SSH2: variants seen among roughly 807,000 people sequenced by gnomAD.
SSH2 encodes the protein slingshot protein phosphatase 2, also known as protein phosphatase Slingshot homolog 2.
Under a neutral mutation model 135.2 loss-of-function variants are expected in SSH2, and 37 were observed. The observed-to-expected ratio is 0.27, with a 90% confidence interval of 0.21 to 0.36. The LOEUF is 0.36. Ranked by LOEUF, SSH2 falls within the 10% of genes least tolerant of loss-of-function variation. The pLI, the probability that SSH2 is intolerant of heterozygous loss-of-function variation, is 1.00. For synonymous variants in SSH2, 628 were observed against 646.2 expected, an observed-to-expected ratio of 0.97 and a Z score of 0.43; for missense variants, 1,408 against 1,765.3, an observed-to-expected ratio of 0.80 and a Z score of 3.63.
chr17:29,779,712 G>C (rs1049861043), intron 3 of SSH2, among the ~76,000 whole-genome samples: 36 of 150,032 alleles, frequency 2.4e-4, no homozygotes, highest in African/African-American at 5.6e-4. Context: ...CAGCTACTTG[G>C]GGGGCTGAGG....
At chr17:29,838,666 T>A (rs558478575) in intron 2 of SSH2, among the ~76,000 whole-genome samples, 132 of 152,116 alleles carry the variant, frequency 8.7e-4, no homozygotes, top group Middle Eastern at 3.4e-3. Context: ...TGAACACTCA[T>A]CGGGATGACC....
intron 1 of SSH2, among the ~76,000 whole-genome samples, chr17:29,924,367 T>C (rs2067027476): frequency 1.3e-5 from 2 of 152,218 alleles, no homozygotes; most frequent in Non-Finnish European, 2.9e-5. Flanking sequence ...TATATGTAAA[T>C]TGATTTACCC....
rs563263698 is a variant in SSH2 at position 29,826,420 on chromosome 17, A to C, written c.144+22429T>G. Among the ~76,000 whole-genome samples the C allele has an allele frequency of 9.8e-4, 150 of 152,336 alleles. 1 individual carries two copies. Among genetic ancestry groups the C allele is most frequent in the Admixed American group, 4.2e-3 (64 of 15,302 alleles). ...AGAACCAAAAATATTGACAAATGCAAACGATGACTACAATCATAGATAAGG... is the reference window on the plus strand; with the variant it reads ...AGAACCAAAAATATTGACAAATGCACACGATGACTACAATCATAGATAAGG... On this transcript the variant is annotated intron_variant, in intron 2 of 15. Coordinates refer to ENST00000540801, the MANE Select transcript of SSH2 (RefSeq NM_001282129.2).
intron 3 of SSH2, among the ~76,000 whole-genome samples, chr17:29,754,801 G>C (rs571177824): frequency 1.3e-4 from 20 of 152,168 alleles, no homozygotes; most frequent in African/African-American, 4.6e-4. Context: ...CAAGTAGCTG[G>C]CACTACAGGC....
chr17:29,676,459 A>G (rs2037726557), intron 8 of SSH2: 1 of 168,474 alleles, frequency 5.9e-6, no homozygotes. Context: ...GAAAAAAAAG[A>G]AATAGCTAAT....
Position 29,703,014 on chromosome 17 carries a change from T to C in SSH2, c.237A>G (p.Pro79=). ...TTGGTGTGGATGAGCCATTTCCCCG[T>C]GGTAGAAAAAGGGCAGCACCTTTGA... ...LTVKGAALFL[P]RGNGSSTPRI... The change falls in exon 4 of 16, where the codon CCA becomes CCG. Residue 79 remains proline, a synonymous_variant. Coordinates refer to ENST00000540801, the MANE Select transcript of SSH2 (RefSeq NM_001282129.2). The C allele has an allele frequency of 6.2e-7, 1 of 1,613,908 alleles. No individual in the cohort carries two copies. The highest frequency in any genetic ancestry group is 8.5e-7 in the Non-Finnish European group (1 of 1,179,898).
chr17:29,702,121 G>A (rs996857115), intron 4 of SSH2, among the ~76,000 whole-genome samples: 4 of 151,940 alleles, frequency 2.6e-5, no homozygotes, highest in African/African-American at 9.7e-5. Flanking sequence ...GGATAACTGA[G>A]GTGGGTGGAT....
intron 1 of SSH2, among the ~76,000 whole-genome samples, chr17:29,889,557 A>G (rs1020408107): frequency 1.3e-5 from 2 of 152,076 alleles, no homozygotes; most frequent in African/African-American, 4.8e-5. Flanking sequence ...CATGAACAAC[A>G]ACAACAAAAT....
intron 3 of SSH2, among the ~76,000 whole-genome samples, chr17:29,741,293 T>A (rs1297187909): frequency 6.6e-6 from 1 of 152,216 alleles, no homozygotes; most frequent in Non-Finnish European, 1.5e-5. Flanking sequence ...GCAATCTGTA[T>A]CAAAAGCCCT....
chr17:29,755,080 G>C (rs1215715825), intron 3 of SSH2, among the ~76,000 whole-genome samples: 1 of 152,158 alleles, frequency 6.6e-6, no homozygotes, highest in African/African-American at 2.4e-5. Flanking sequence ...CTAACACCTT[G>C]GCTCCTTGCT....
intron 3 of SSH2, among the ~76,000 whole-genome samples, chr17:29,770,255 C>T (rs1276676577): frequency 2.0e-5 from 3 of 151,074 alleles, no homozygotes; most frequent in African/African-American, 4.9e-5. Flanking sequence ...ATTACAGGCT[C>T]GAGCCACCAC....
chr17:29,823,530 GA>G, intron 2 of SSH2, among the ~76,000 whole-genome samples: 1 of 151,838 alleles, frequency 6.6e-6, no homozygotes, highest in South Asian at 2.1e-4. Context: ...CTCTAACATC[GA>G]ACTCCAGGGT....
intron 3 of SSH2, among the ~76,000 whole-genome samples, chr17:29,714,304 A>C (rs2039540009): frequency 6.6e-6 from 1 of 151,942 alleles, no homozygotes; most frequent in South Asian, 2.1e-4. Flanking sequence ...TTAACTCAGA[A>C]AAACTGTTCA....
intron 5 of SSH2, among the ~76,000 whole-genome samples, chr17:29,688,231 G>A (rs996980100): frequency 4.6e-5 from 7 of 151,374 alleles, no homozygotes; most frequent in Non-Finnish European, 8.8e-5. Flanking sequence ...GGATGCTCTC[G>A]ATCTCTTGAC....
At chr17:29,854,657 C>T (rs1476433457) in intron 1 of SSH2, among the ~76,000 whole-genome samples, 1 of 150,226 alleles carries the variant, frequency 6.7e-6, no homozygotes, top group Admixed American at 6.6e-5. Context: ...AAGAAATAAT[C>T]CCACAAGAGG....
At chr17:29,918,854 T>C (rs2066926265) in intron 1 of SSH2, among the ~76,000 whole-genome samples, 1 of 152,024 alleles carries the variant, frequency 6.6e-6, no homozygotes, top group African/African-American at 2.4e-5. Context: ...GAAGAATCAC[T>C]TGAACCCGGG....
chr17:29,659,186 T>G (rs1414150295), intron 11 of SSH2, among the ~76,000 whole-genome samples: 1 of 152,210 alleles, frequency 6.6e-6, no homozygotes, highest in Non-Finnish European at 1.5e-5. Flanking sequence ...ATATAATAGT[T>G]TATTCAACTA....
chr17:29,705,888 G>A (rs1222557678), intron 3 of SSH2, among the ~76,000 whole-genome samples: 1 of 152,078 alleles, frequency 6.6e-6, no homozygotes, highest in Non-Finnish European at 1.5e-5. Flanking sequence ...GTTTCCTTCA[G>A]AATATTTATC....
chr17:29,687,104 A>T (rs753571299), intron 5 of SSH2, among the ~76,000 whole-genome samples: 3 of 152,154 alleles, frequency 2.0e-5, no homozygotes, highest in Non-Finnish European at 2.9e-5. Flanking sequence ...AGAAATTTCT[A>T]TTTGGAACTT....
Sources: gnomAD v4.1 joint callset for allele counts (sites outside exome capture counted in the v4.1 genomes callset) on GRCh38, gnomAD v4.1.1 for gene constraint, MANE v1.5 for transcripts, NCBI Gene and HGNC (gene_info 2026-07-23, HGNC 2026-07-21) for gene names.